ZNF331: variants seen among roughly 807,000 people sequenced by gnomAD.
ZNF331 encodes zinc finger protein 331.
Under a neutral mutation model 7.0 loss-of-function variants are expected in ZNF331, and 2 were observed. The observed-to-expected ratio is 0.29, with a 90% confidence interval of 0.12 to 0.90. The LOEUF is 0.90. Among genes scored for constraint, ZNF331 ranks in the 40% least tolerant of loss-of-function variants. The pLI, the probability that ZNF331 is intolerant of heterozygous loss-of-function variation, is 0.58. For missense variants in ZNF331, 432 were observed against 587.7 expected (o/e 0.74, Z 2.74); for synonymous variants, 196 against 205.4 (o/e 0.95, Z 0.39).
rs758486389 is a variant in ZNF331 at position 53,576,840 on chromosome 19, C to T, written c.280C>T (p.Arg94Cys). The change falls in exon 6 of 6, where the codon CGC becomes TGC. Residue 94 changes from arginine to cysteine, a missense_variant. Arg to Cys is a radical substitution (Grantham distance 180, BLOSUM62 -3). This residue lies in a region of ZNF331 where 81 missense variants were observed against 70.3 expected (regional missense o/e 1.15). Coordinates refer to ENST00000449416, the MANE Select transcript of ZNF331 (RefSeq NM_001079906.2). ...TGAAGGTACGCTTGAAAGACCACAG[C>T]GCTCCAGAGGGAGGTATGTCAATCA... ...ICEGTLERPQ[R>C]SRGRYVNQMI... The T allele has an allele frequency of 1.1e-4, 179 of 1,613,992 alleles. No homozygotes were observed. The highest frequency in any genetic ancestry group is 1.6e-4 in the Middle Eastern group (1 of 6,084).
the ZNF331 span, among the ~76,000 whole-genome samples, chr19:53,506,490 C>CTCTCTCTCTCTCTCTCTG: frequency 1.4e-5 from 2 of 141,642 alleles, no homozygotes; most frequent in East Asian, 4.1e-4. Flanking sequence ...CTGTCTGTCT[C>CTCTCTCTCTCTCTCTCTG]TCTCTCTCTC....
chr19:53,573,267 A>C lies in ZNF331; in HGVS notation c.136+1537A>C, dbSNP rs951189958. On this transcript the variant is annotated intron_variant, in intron 5 of 5. Coordinates refer to ENST00000449416, the MANE Select transcript of ZNF331 (RefSeq NM_001079906.2). This position sits in a 1 kb window ranked among gnomAD's most constrained non-coding sequence, Gnocchi z 4.2. ...GGTGCGGTGGCTCACTCCTGTGATC[A>C]CAAGACTGGCAGGCCAAGGCAGACG... Among the ~76,000 whole-genome samples the C allele has an allele frequency of 3.3e-5, 5 of 151,936 alleles. No homozygotes were observed. The highest frequency in any genetic ancestry group is 1.2e-4 in the African/African-American group (5 of 41,384).
At position 53,539,389 on chromosome 19, in the gene ZNF331, T is replaced by A. The variant is rs1251588563; in HGVS notation, c.-138+107T>A. The A allele has an allele frequency of 6.6e-6, 1 of 152,132 alleles. No individual in the cohort carries two copies. The highest frequency in any genetic ancestry group is 1.5e-5 in the Non-Finnish European group (1 of 68,032). 9.4% of individuals were successfully genotyped at this position (152,132 alleles called of 1,614,324 possible). ...TTGAGTCCTGTTTCTGCCTCTTAGC[T>A]TTTTGAGCCTTCTGAAGATAGGCTT... On this transcript the variant is annotated intron_variant, in intron 2 of 5. Transcript: ENST00000449416. The surrounding 1 kb of genome is among the most constrained non-coding windows in gnomAD (Gnocchi z 6.1).
At chr19:53,506,575 C>G in the ZNF331 span, among the ~76,000 whole-genome samples, 5 of 151,668 alleles carry the variant, frequency 3.3e-5, no homozygotes, top group Admixed American at 6.6e-5. Context: ...TTCGCAGTCC[C>G]TTACCCATGC....
intron 3 of ZNF331, among the ~76,000 whole-genome samples, chr19:53,562,399 C>T (rs1043124235): frequency 6.6e-6 from 1 of 151,636 alleles, no homozygotes; most frequent in Non-Finnish European, 1.5e-5. Flanking sequence ...ACATAGAACA[C>T]AAGATTCACG....
chr19:53,572,602 ACATATATATT>A (rs2090510846), intron 5 of ZNF331, among the ~76,000 whole-genome samples: 1 of 66,054 alleles, frequency 1.5e-5, no homozygotes, highest in African/African-American at 7.9e-5. Flanking sequence ...TTATATATAC[ACATATATATT>A]ATATATACAC....
At chr19:53,563,003 A>C (rs915376506) in intron 3 of ZNF331, among the ~76,000 whole-genome samples, 1 of 151,876 alleles carries the variant, frequency 6.6e-6, no homozygotes, top group Non-Finnish European at 1.5e-5. Flanking sequence ...AACAAAAAAC[A>C]AAAAACCAGA....
At chr19:53,535,275 G>C (rs979839114), upstream of ZNF331, among the ~76,000 whole-genome samples, 1 of 152,014 alleles carries the variant, frequency 6.6e-6, no homozygotes, top group Non-Finnish European at 1.5e-5. Flanking sequence ...ATTTTTAGTA[G>C]AGATGGGGTT....
chr19:53,540,072 A>G (rs980989583), intron 2 of ZNF331, among the ~76,000 whole-genome samples: 8 of 152,224 alleles, frequency 5.3e-5, no homozygotes, highest in Non-Finnish European at 8.8e-5. Context: ...ACATTTTAGT[A>G]TATTATTTAG....
At chr19:53,527,511 G>C (rs909323162) in intron 2 of ZNF331, among the ~76,000 whole-genome samples, 2 of 152,162 alleles carry the variant, frequency 1.3e-5, no homozygotes, top group Admixed American at 6.5e-5. Context: ...TAGATGAGGG[G>C]TGCCAGAAGA....
intron 2 of ZNF331, among the ~76,000 whole-genome samples, chr19:53,529,504 A>G (rs10405413): frequency 0.34 from 52,199 of 151,820 alleles, 9,661 homozygotes; most frequent in African/African-American, 0.49. Context: ...TTCAATCATC[A>G]TTGGTATAAA....
At chr19:53,506,313 C>A in the ZNF331 span, among the ~76,000 whole-genome samples, 289 of 99,190 alleles carry the variant, frequency 2.9e-3, 36 homozygotes, top group African/African-American at 0.012. Flanking sequence ...CCAGCCTGGG[C>A]GACAGAGCGA....
Position 53,558,860 on chromosome 19 carries a change from T to A in ZNF331, c.-74+2952T>A, listed in dbSNP as rs916843910. On this transcript the variant is annotated intron_variant, in intron 3 of 5. Transcript: ENST00000449416. The surrounding 1 kb of genome is among the most constrained non-coding windows in gnomAD (Gnocchi z 4.5). ...TACATATATACACACCATACACACA[T>A]ATACACACACATACCCCATATATAC... Among the ~76,000 whole-genome samples the A allele has an allele frequency of 2.7e-5, 4 of 149,912 alleles. No individual in the cohort carries two copies. The highest frequency in any genetic ancestry group is 4.4e-5 in the Non-Finnish European group (3 of 67,568).
At chr19:53,506,568 G>A in the ZNF331 span, among the ~76,000 whole-genome samples, 1 of 149,168 alleles carries the variant, frequency 6.7e-6, no homozygotes, top group Non-Finnish European at 1.5e-5. Context: ...CTGGCCCTTC[G>A]CAGTCCCTTA....
chr19:53,556,283 C>T (rs1346963901), intron 3 of ZNF331, among the ~76,000 whole-genome samples: 2 of 148,742 alleles, frequency 1.3e-5, no homozygotes, highest in Non-Finnish European at 1.5e-5. Flanking sequence ...TTGAATTAGA[C>T]GTTTTGTAAA....
intron 3 of ZNF331, among the ~76,000 whole-genome samples, chr19:53,559,500 A>G (rs1005223517): frequency 7.3e-5 from 11 of 151,122 alleles, no homozygotes; most frequent in African/African-American, 2.7e-4. Flanking sequence ...ATATGCATAT[A>G]TACACACCTA....
chr19:53,541,737 G>A (rs1357958795), intron 2 of ZNF331, among the ~76,000 whole-genome samples: 1 of 152,160 alleles, frequency 6.6e-6, no homozygotes, highest in Non-Finnish European at 1.5e-5. Flanking sequence ...GATAATCACT[G>A]ATGAACATTT....
chr19:53,574,536 G>A (rs2090611283), intron 5 of ZNF331, among the ~76,000 whole-genome samples: 1 of 69,528 alleles, frequency 1.4e-5, no homozygotes, highest in East Asian at 3.4e-4. Context: ...TGTGGGCCAC[G>A]CCTTTAGTAG....
chr19:53,576,976 C>G lies in ZNF331; in HGVS notation c.416C>G (p.Ala139Gly). The G allele has an allele frequency of 1.2e-6, 2 of 1,614,168 alleles. No individual in the cohort carries two copies. Among genetic ancestry groups the G allele is most frequent in the Non-Finnish European group, 8.5e-7 (1 of 1,180,030 alleles). The change falls in exon 6 of 6, where the codon GCC becomes GGC. Residue 139 changes from alanine (A) to glycine (G), a missense_variant. Ala to Gly is a moderately conservative substitution (Grantham distance 60, BLOSUM62 0). Transcript: ENST00000449416. ...TTTGAATGTAAGGACTGTGGGAAGGCCTTTAGTCGTGGCTATCAACTTAGT... is the reference window on the plus strand; with the variant it reads ...TTTGAATGTAAGGACTGTGGGAAGGGCTTTAGTCGTGGCTATCAACTTAGT... Reference protein sequence around the residue: ...NSFECKDCGKAFSRGYQLSQH... With the variant: ...NSFECKDCGKGFSRGYQLSQH...
Sources: allele counts gnomAD v4.1 joint callset (sites outside exome capture counted in the v4.1 genomes callset), GRCh38; gene constraint gnomAD v4.1.1; regional missense constraint gnomAD v4.1.1; non-coding constraint Gnocchi (gnomAD v3.1); transcripts MANE v1.5; gene names NCBI Gene and HGNC (gene_info 2026-07-23, HGNC 2026-07-21).